Variants in TEX15 observed in about 807,000 individuals in gnomAD.
TEX15 encodes the protein testis expressed 15, meiosis and synapsis associated.
A neutral mutation model predicts 237.3 loss-of-function variants in TEX15; 171 were observed. The observed-to-expected ratio is 0.72, with a 90% CI of 0.64 to 0.82. TEX15 has a LOEUF of 0.82. Ranked by LOEUF, TEX15 falls within the 40% of genes least tolerant of loss-of-function variation. TEX15 has a pLI of 0.00. For synonymous variants in TEX15, 1,338 were observed against 1,269.8 expected, an observed-to-expected ratio of 1.05 and a Z score of -1.14; for missense variants, 3,750 against 3,646.5, an observed-to-expected ratio of 1.03 and a Z score of -0.73.
chr8:30,864,689 G>T (rs1340346549), intron 5 of TEX15, among the ~76,000 whole-genome samples: 2 of 148,020 alleles, frequency 1.4e-5, no homozygotes, highest in Non-Finnish European at 1.5e-5. Flanking sequence ...ATACTAAAAG[G>T]AGTTGTTCAA....
rs982521970 is a variant in TEX15 at position 30,837,931 on chromosome 8, C to G, written c.8353G>C (p.Glu2785Gln). The change falls in exon 10 of 11, where the codon GAG becomes CAG. Residue 2785 changes from glutamate (E) to glutamine (Q), a missense_variant. Transcript: ENST00000643185. ...GATGCGCAAGTGTCTTTTGGGTTCTCTAAGGGTAAAAGTGAGCCAGGTAGT... is the reference window on the plus strand; with the variant it reads ...GATGCGCAAGTGTCTTTTGGGTTCTGTAAGGGTAAAAGTGAGCCAGGTAGT... ...RSLPGSLLPL[E>Q]NPKDTCASKS... 1 of 1,614,148 alleles carries G rather than the reference C, an allele frequency of 6.2e-7. No individual in the cohort carries two copies. Among genetic ancestry groups the G allele is most frequent in the African/African-American group, 1.3e-5 (1 of 75,060 alleles).
intron 9 of TEX15, among the ~76,000 whole-genome samples, chr8:30,838,794 ATATATATATATATATATATATATATATG>A: frequency 1.1e-5 from 1 of 94,700 alleles, no homozygotes; most frequent in African/African-American, 6.0e-5. Flanking sequence ...ATATATATAT[ATATATATATATATATATATATATATATG>A]AATTTTTTTT....
chr8:30,909,976 A>G (rs555125911), intron 1 of TEX15, among the ~76,000 whole-genome samples: 2 of 152,274 alleles, frequency 1.3e-5, no homozygotes, highest in Admixed American at 6.5e-5. Flanking sequence ...AATCCCCTCT[A>G]TCATCCTTCA....
intron 1 of TEX15, among the ~76,000 whole-genome samples, chr8:30,907,601 T>C (rs1162738710): frequency 6.9e-6 from 1 of 144,286 alleles, no homozygotes; most frequent in Non-Finnish European, 1.5e-5. Context: ...TTATATTTAA[T>C]TATATAATTA....
Position 30,842,946 on chromosome 8 carries a change from C to T in TEX15, c.7221G>A (p.Met2407Ile). Reference sequence around the variant, plus strand: ...TATTATCCATGTTATTATCTTGTAGCATCTGAAAGTATTTTTTTAAAATTT... The same window carrying T: ...TATTATCCATGTTATTATCTTGTAGTATCTGAAAGTATTTTTTTAAAATTT... Reference protein sequence around the residue: ...HLEILKKYFQMLQDNNMDNIF... With the variant: ...HLEILKKYFQILQDNNMDNIF... Residue 2407 changes from methionine (M) to isoleucine (I), a missense_variant, in exon 8 of 11, where the codon ATG becomes ATA. Coordinates refer to ENST00000643185, the MANE Select transcript of TEX15 (RefSeq NM_001350162.2). 6.2e-7 allele frequency: 1 copy of T among 1,610,338 alleles called. No homozygotes were observed. The highest frequency in any genetic ancestry group is 2.2e-5 in the East Asian group (1 of 44,808).
intron 4 of TEX15, among the ~76,000 whole-genome samples, chr8:30,869,765 A>C (rs1309340428): frequency 6.6e-6 from 1 of 151,998 alleles, no homozygotes; most frequent in Non-Finnish European, 1.5e-5. Flanking sequence ...TTTTCTCAAA[A>C]ACCCGGTATC....
At chr8:30,878,964 A>T (rs1808461311) in intron 3 of TEX15, among the ~76,000 whole-genome samples, 1 of 152,120 alleles carries the variant, frequency 6.6e-6, no homozygotes. Context: ...TTTCTTTTTC[A>T]GCTATTCTAA....
chr8:30,905,672 T>C (rs1809088406), intron 1 of TEX15, among the ~76,000 whole-genome samples: 1 of 143,924 alleles, frequency 6.9e-6, no homozygotes, highest in Non-Finnish European at 1.5e-5. Context: ...GTGGATCACT[T>C]GAGCTCAGGA....
chr8:30,875,985 C>A (rs1563263519), intron 3 of TEX15, among the ~76,000 whole-genome samples: 4 of 151,810 alleles, frequency 2.6e-5, no homozygotes, highest in Admixed American at 2.0e-4. Context: ...GCTAGCTTTT[C>A]TTTTATTTTT....
intron 6 of TEX15, 83 bp from the exon 7 acceptor site, chr8:30,858,913 T>G: frequency 1.1e-6 from 1 of 942,952 alleles, no homozygotes; most frequent in Non-Finnish European, 1.5e-6. Context: ...ATCAATATAA[T>G]TGCATATTAT....
rs764526627 is a variant in TEX15 at position 30,844,495 on chromosome 8, G to T, written c.5672C>A (p.Thr1891Lys). ...CAGATGGGAATCAATCAAGTTAGTT[G>T]TAATAATTTTCTCATTTAAGCAGGA... is the stretch of plus-strand genomic sequence containing the variant. ...EESCLNEKII[T>K]TNLIDSHLST... The change falls in exon 8 of 11, where the codon ACA becomes AAA. Residue 1891 changes from threonine (T) to lysine (K), a missense_variant. Thr to Lys is a moderately conservative substitution (Grantham distance 78). Transcript: ENST00000643185. The T allele has an allele frequency of 6.2e-7, 1 of 1,612,978 alleles. No individual in the cohort carries two copies. Among genetic ancestry groups the T allele is most frequent in the Non-Finnish European group, 8.5e-7 (1 of 1,179,566 alleles).
intron 4 of TEX15, among the ~76,000 whole-genome samples, chr8:30,872,673 A>G (rs532602578): frequency 3.9e-5 from 6 of 152,224 alleles, no homozygotes; most frequent in Admixed American, 3.9e-4. Context: ...AATGATATTG[A>G]TGATCCTGAC....
At chr8:30,835,891 A>G (rs1023511127) in intron 10 of TEX15, among the ~76,000 whole-genome samples, 1 of 152,258 alleles carries the variant, frequency 6.6e-6, no homozygotes, top group Non-Finnish European at 1.5e-5. Context: ...AAGATACTGT[A>G]TTAGATAACT....
intron 6 of TEX15, 59 bp from the exon 7 acceptor site, chr8:30,858,889 C>A (rs1341838320): frequency 1.4e-5 from 17 of 1,227,032 alleles, no homozygotes; most frequent in East Asian, 2.7e-5. Context: ...TGAATAAGCT[C>A]ATATTTTTAA....
chr8:30,883,116 A>T (rs906362955), intron 3 of TEX15, among the ~76,000 whole-genome samples: 2 of 151,282 alleles, frequency 1.3e-5, no homozygotes, highest in Non-Finnish European at 3.0e-5. Flanking sequence ...TTCTTTCTCT[A>T]TCTTTTTTTT....
chr8:30,871,053 C>A (rs1808281350), intron 4 of TEX15, among the ~76,000 whole-genome samples: 1 of 151,742 alleles, frequency 6.6e-6, no homozygotes. Context: ...CAAGCTGAGT[C>A]CCCCTCATAT....
Position 30,898,135 on chromosome 8 carries a change from G to A in TEX15, c.-10+607C>T, listed in dbSNP as rs192750571. Among the ~76,000 whole-genome samples the A allele has an allele frequency of 1.2e-3, 183 of 152,134 alleles. 2 individuals are homozygous for A. The highest frequency in any genetic ancestry group is 3.4e-3 in the Middle Eastern group (1 of 294). ...ATGTACGGGACAATATTCTCCACTG[G>A]ACTACAATTTACCCATTTTTCTATC... On this transcript the variant is annotated intron_variant, in intron 2 of 10. Transcript: ENST00000643185.
chr8:30,846,610 G>A lies in TEX15; in HGVS notation c.3557C>T (p.Thr1186Ile). ...ATTTATTTCCGGTTTTGTGGCTTCAGTTACATGTGTGCAAAAACTATCTTT... is the reference window on the plus strand; with the variant it reads ...ATTTATTTCCGGTTTTGTGGCTTCAATTACATGTGTGCAAAAACTATCTTT... ...ALKDSFCTHV[T>I]EATKPEINKE... Residue 1186 changes from threonine (T) to isoleucine (I), a missense_variant, in exon 8 of 11, where the codon ACT (threonine) becomes ATT (isoleucine). By Grantham distance (89) the Thr-to-Ile change is moderately conservative. Coordinates refer to ENST00000643185, the MANE Select transcript of TEX15 (RefSeq NM_001350162.2). The A allele has an allele frequency of 6.2e-7, 1 of 1,613,834 alleles. No individual in the cohort carries two copies. Among genetic ancestry groups the A allele is most frequent in the Non-Finnish European group, 8.5e-7 (1 of 1,179,814 alleles).
intron 7 of TEX15, among the ~76,000 whole-genome samples, chr8:30,850,079 GGGAGAA>G (rs1415928482): frequency 1.3e-5 from 2 of 151,688 alleles, no homozygotes; most frequent in Non-Finnish European, 2.9e-5. Flanking sequence ...CCTCTACCAT[GGGAGAA>G]AAAAAAGGAA....
Sources: allele counts gnomAD v4.1 joint callset (sites outside exome capture counted in the v4.1 genomes callset), GRCh38; gene constraint gnomAD v4.1.1; transcripts MANE v1.5; gene names NCBI Gene and HGNC (gene_info 2026-07-23, HGNC 2026-07-21).